MMP3: variants seen among roughly 807,000 people sequenced by gnomAD.
The protein encoded by MMP3 is matrix metallopeptidase 3, also known as stromelysin-1.
In MMP3, 46 loss-of-function variants were observed where a neutral mutation model predicts 47.3. That is an observed-to-expected ratio of 0.97 (90% confidence interval 0.77 to 1.24). MMP3 has a LOEUF of 1.24. Among genes scored for constraint, MMP3 ranks in the 50% most tolerant of loss-of-function variants. The pLI is 0.00. For synonymous variants in MMP3, 216 were observed against 206.5 expected (o/e 1.05, Z -0.39); for missense variants, 558 against 565.5 (o/e 0.99, Z 0.13).
At chr11:102,842,404 C>CTTTTTTGTTTTT in intron 3 of MMP3, 27 bp downstream of exon 3, 1 of 810,714 alleles carries the variant, frequency 1.2e-6, no homozygotes, top group South Asian at 2.8e-5. Flanking sequence ...TTTTGTTTTG[C>CTTTTTTGTTTTT]TTTTTTTTTT....
intron 6 of MMP3, 79 bp from the exon 7 acceptor site, chr11:102,839,322 AC>A: frequency 6.5e-7 from 1 of 1,529,302 alleles, no homozygotes; most frequent in Non-Finnish European, 9.0e-7. Context: ...GTCTTGCCTC[AC>A]CCAGCTTCCC....
intron 1 of MMP3, 112 bp downstream of exon 1, chr11:102,843,330 A>G (rs1859044491): frequency 1.3e-6 from 1 of 742,408 alleles, no homozygotes; most frequent in African/African-American, 1.7e-5. Context: ...CTATTCTTGA[A>G]CTGTTCCTAC....
At chr11:102,840,028 T>C (rs952305155) in intron 6 of MMP3, 80 bp downstream of exon 6, 10 of 1,409,792 alleles carry the variant, frequency 7.1e-6, no homozygotes, top group Non-Finnish European at 8.7e-6. Flanking sequence ...TGTCTAAGAA[T>C]CTCTATCAAG....
rs1591102835 is a variant in MMP3, at chr11:102,838,662, G to T, written c.1118C>A (p.Pro373Gln). The part of the protein sequence containing the change: ...IRGNEVRAGY[P>Q]RGIHTLGFPP... The stretch of plus-strand genomic sequence containing the variant: ...GAAACCTAGGGTGTGGATGCCTCTT[G>T]GGTATCCAGCTCGTACCTCATTTCC... The change falls in exon 8 of 10, where the codon CCA (proline) becomes CAA (glutamine). Residue 373 changes from proline to glutamine, a missense_variant. Coordinates refer to ENST00000299855, the MANE Select transcript of MMP3 (RefSeq NM_002422.5). 1 of 1,612,986 alleles carries T rather than the reference G, an allele frequency of 6.2e-7. No individual in the cohort carries two copies. Among genetic ancestry groups the T allele is most frequent in the South Asian group, 1.1e-5 (1 of 91,032 alleles).
Position 102,837,058 on chromosome 11 carries a change from T to A in MMP3, c.1333+240A>T, listed in dbSNP as rs1205346444. On this transcript the variant is annotated intron_variant, in intron 9 of 9. Coordinates refer to ENST00000299855, the MANE Select transcript of MMP3 (RefSeq NM_002422.5). This position sits in a 1 kb window ranked among gnomAD's most constrained non-coding sequence, Gnocchi z 4.4. ...AGATGTAAGTGACACTGGAGCACTTTGATTTTATATGCATGTATAAGATAA... is the reference window on the plus strand; with the variant it reads ...AGATGTAAGTGACACTGGAGCACTTAGATTTTATATGCATGTATAAGATAA... Among the ~76,000 whole-genome samples, 1 of 152,204 alleles carries A rather than the reference T, an allele frequency of 6.6e-6. No homozygotes were observed. Among genetic ancestry groups the A allele is most frequent in the Non-Finnish European group, 1.5e-5 (1 of 68,034 alleles).
Position 102,838,487 on chromosome 11 carries a change from C to G in MMP3, c.1229+64G>C, listed in dbSNP as rs1858925729. The G allele has an allele frequency of 2.6e-6, 4 of 1,536,710 alleles. No individual in the cohort carries two copies. In the Admixed American group the frequency reaches 7.8e-5, roughly 30 times the overall value. The stretch of plus-strand genomic sequence containing the variant: ...GCCTAAGGTTGGGGTGGGGGATTTC[C>G]TTAGTAAAAGAAACTAATTTCCCTA... On this transcript the variant is annotated intron_variant, in intron 8 of 9. Coordinates refer to ENST00000299855, the MANE Select transcript of MMP3 (RefSeq NM_002422.5).
chr11:102,840,834 C>T (rs1336183019), intron 4 of MMP3, among the ~76,000 whole-genome samples: 12 of 152,128 alleles, frequency 7.9e-5, no homozygotes, highest in African/African-American at 2.9e-4. Flanking sequence ...ACTTGCCCCC[C>T]ATGGCCCCAA....
In MMP3 at chr11:102,842,726, T is replaced by TGA. The variant is rs782313881; in HGVS notation, c.294_295dup (p.His99LeufsTer22). 1 of 1,614,052 alleles carries TGA rather than the reference T, an allele frequency of 6.2e-7. No individual in the cohort carries two copies. Among genetic ancestry groups the TGA allele is most frequent in the Non-Finnish European group, 8.5e-7 (1 of 1,179,986 alleles). ...CGGGATGCCAGGAAAGGTTCTGAAG[T>TGA]GACCAACATCAGGAACTCCACACCT... On this transcript the variant is annotated frameshift_variant, in exon 2 of 10. Transcript: ENST00000299855. LOFTEE classifies it high-confidence loss of function.
chr11:102,843,591 G>A lies in MMP3; in HGVS notation c.-45C>T. The A allele has an allele frequency of 6.6e-7, 1 of 1,508,262 alleles. No individual in the cohort carries two copies. The highest frequency in any genetic ancestry group is 9.1e-7 in the Non-Finnish European group (1 of 1,093,702). The allele number at this position is 1,508,262 out of a possible 1,614,324, so 93.4% of individuals were successfully genotyped here. A position where few individuals can be genotyped will look rare whatever the true frequency, so the allele number is the denominator to read the frequency against. On this transcript the variant is annotated 5_prime_UTR_variant, in exon 1 of 10. Transcript: ENST00000299855. ...CTCTATGTTGTCTCTATGCCTTGCT[G>A]TCTTGCCTGCCTCCTTGTAGGTCCA...
intron 4 of MMP3, 47 bp from the exon 5 acceptor site, chr11:102,840,640 G>A (rs782305117): frequency 3.1e-6 from 5 of 1,590,182 alleles, no homozygotes; most frequent in Non-Finnish European, 4.3e-6. Flanking sequence ...TTAAATACAT[G>A]TGCATTACAC....
Position 102,838,783 on chromosome 11 carries a change from T to C in MMP3, c.1070-73A>G. On this transcript the variant is annotated intron_variant, in intron 7 of 9. Coordinates refer to ENST00000299855, the MANE Select transcript of MMP3 (RefSeq NM_002422.5). ...GCCCTTTCGCTTTAGAAATACACTT[T>C]AGCATCTTTGATTTTCATGGTAAAG... The C allele has an allele frequency of 3.4e-6, 5 of 1,473,172 alleles. No homozygotes were observed. The South Asian group carries it at 5.1e-5, about 15-fold the overall frequency. 91.3% of individuals were successfully genotyped at this position (1,473,172 alleles called of 1,614,324 possible). A position where few individuals can be genotyped will look rare whatever the true frequency, so the allele number is the denominator to read the frequency against.
Position 102,837,704 on chromosome 11 carries a change from G to A in MMP3, c.1230-303C>T, listed in dbSNP as rs959140793. On this transcript the variant is annotated intron_variant, in intron 8 of 9. Coordinates refer to ENST00000299855, the MANE Select transcript of MMP3 (RefSeq NM_002422.5). The surrounding 1 kb of genome is among the most constrained non-coding windows in gnomAD (Gnocchi z 4.4). ...ATCTTTCTGTCACAAAGACATGAAA[G>A]TGTGAACATATATATAAAGTGAATT... is the stretch of plus-strand genomic sequence containing the variant. 2.6e-5 allele frequency among the ~76,000 whole-genome samples: 4 copies of A among 152,062 alleles called. No individual in the cohort carries two copies. The highest frequency in any genetic ancestry group is 5.9e-5 in the Non-Finnish European group (4 of 68,024).
chr11:102,841,138 A>G (rs1858990011), intron 4 of MMP3, among the ~76,000 whole-genome samples: 1 of 152,246 alleles, frequency 6.6e-6, no homozygotes, highest in Non-Finnish European at 1.5e-5. Flanking sequence ...GGTTTAAAAC[A>G]CAGTATGCCC....
chr11:102,843,395 T>C (rs1859045819), intron 1 of MMP3, 47 bp downstream of exon 1: 8 of 1,385,494 alleles, frequency 5.8e-6, no homozygotes, highest in Non-Finnish European at 8.2e-6. Context: ...TGGTTTCAGC[T>C]TACTCTGGAA....
At position 102,842,553 on chromosome 11, in the gene MMP3, G is replaced by A. The variant is rs2134402477; in HGVS notation, c.377C>T (p.Pro126Leu). ...AACAGCAGAATCAACAGCATCTTTT[G>A]GCAAATCTGGTGTATAATTCACAAT... is the stretch of plus-strand genomic sequence containing the variant. The part of the protein sequence containing the change: ...YRIVNYTPDL[P>L]KDAVDSAVEK... Residue 126 changes from proline to leucine, a missense_variant, in exon 3 of 10, where the codon CCA becomes CTA. Pro to Leu is a moderately conservative substitution (Grantham distance 98). Transcript: ENST00000299855. 1 of 1,613,524 alleles carries A rather than the reference G, an allele frequency of 6.2e-7. No individual in the cohort carries two copies. The highest frequency in any genetic ancestry group is 1.1e-5 in the South Asian group (1 of 91,022).
At chr11:102,842,404 CTTTT>C (rs11418340) in intron 3 of MMP3, 23 bp downstream of exon 3, 29,150 of 793,536 alleles carry the variant, frequency 0.037, 5 homozygotes, top group Non-Finnish European at 0.041. Flanking sequence ...TTTTGTTTTG[CTTTT>C]TTTTTTTTTT....
chr11:102,842,334 T>C, intron 3 of MMP3, 55 bp from the exon 4 acceptor site: 9 of 1,569,520 alleles, frequency 5.7e-6, no homozygotes, highest in Admixed American at 2.0e-5. Flanking sequence ...CTTTTGAGCC[T>C]TTTCCAGTAC....
intron 1 of MMP3, 65 bp downstream of exon 1, chr11:102,843,377 A>G (rs571070611): frequency 8.9e-7 from 1 of 1,122,678 alleles, no homozygotes; most frequent in Admixed American, 1.9e-5. Flanking sequence ...GTTTTAAGAC[A>G]CACAGAATGG....
In MMP3 at chr11:102,840,547, C is replaced by A; in HGVS notation, c.672G>T (p.Leu224=). 6.2e-7 allele frequency: 1 copy of A among 1,613,998 alleles called. No homozygotes were observed. Among genetic ancestry groups the A allele is most frequent in the Non-Finnish European group, 8.5e-7 (1 of 1,179,976 alleles). The change falls in exon 5 of 10, where the codon CTG becomes CTT. Residue 224 remains leucine (L), a synonymous_variant. Transcript: ENST00000299855. ...LVAAHEIGHS[L]GLFHSANTEA... The stretch of plus-strand genomic sequence containing the variant: ...CAGTGTTGGCTGAGTGAAAGAGACC[C>A]AGGGAGTGGCCAATTTCATGAGCAG...
Sources: allele counts gnomAD v4.1 joint callset (sites outside exome capture counted in the v4.1 genomes callset), GRCh38; gene constraint gnomAD v4.1.1; non-coding constraint Gnocchi (gnomAD v3.1); transcripts MANE v1.5; gene names NCBI Gene and HGNC (gene_info 2026-07-23, HGNC 2026-07-21).